GRID2IP: variants seen among roughly 807,000 people sequenced by gnomAD.
GRID2IP encodes the protein Grid2 interacting protein.
GRID2IP carries 78 observed loss-of-function variants against 114.3 expected under a neutral mutation model. The ratio of observed to expected loss-of-function variants is 0.68; its 90% CI spans 0.57 to 0.82. GRID2IP has a LOEUF of 0.82. Ranked by LOEUF, GRID2IP falls within the 40% of genes least tolerant of loss-of-function variation. GRID2IP has a pLI of 0.00. For missense variants in GRID2IP, 1,727 were observed against 1,678.5 expected (o/e 1.03, Z -0.51); for synonymous variants, 809 against 724.0 (o/e 1.12, Z -1.89).
Position 6,496,839 on chromosome 7 carries a change from C to T in GRID2IP, c.*935G>A, listed in dbSNP as rs1026760245. 2.6e-5 allele frequency among the ~76,000 whole-genome samples: 4 copies of T among 152,000 alleles called. No individual in the cohort carries two copies. Among genetic ancestry groups the T allele is most frequent in the African/African-American group, 7.2e-5 (3 of 41,390 alleles). On this transcript the variant is annotated 3_prime_UTR_variant, in exon 22 of 22. Transcript: ENST00000457091. Reference sequence around the variant, plus strand: ...AAAAAGGTGAAACAGTTCACACACCCTCCCTCCCTGCCCACCACGCCACCT... The same window carrying T: ...AAAAAGGTGAAACAGTTCACACACCTTCCCTCCCTGCCCACCACGCCACCT...
In GRID2IP at chr7:6,516,631, C is replaced by T. The variant is rs934281455; in HGVS notation, c.1269-2102G>A. Among the ~76,000 whole-genome samples the T allele has an allele frequency of 2.6e-5, 4 of 152,134 alleles. No individual in the cohort carries two copies. Among genetic ancestry groups the T allele is most frequent in the South Asian group, 4.2e-4 (2 of 4,810 alleles). ...AGACTCTGCTCCACCACTGCTTGCC[C>T]GCCCGCAGCCACCCAGAGGCCTAAC... is the stretch of plus-strand genomic sequence containing the variant. On this transcript the variant is annotated intron_variant, in intron 7 of 21. Coordinates refer to ENST00000457091, the MANE Select transcript of GRID2IP (RefSeq NM_001145118.2). This position sits in a 1 kb window ranked among gnomAD's most constrained non-coding sequence, Gnocchi z 4.3.
At position 6,551,362 on chromosome 7, in the gene GRID2IP, G is replaced by A; in HGVS notation, c.75C>T (p.Gly25=). 6.5e-7 allele frequency: 1 copy of A among 1,548,804 alleles called. No individual in the cohort carries two copies. The highest frequency in any genetic ancestry group is 8.7e-7 in the Non-Finnish European group (1 of 1,146,412). The change falls in exon 1 of 22, where the codon GGC becomes GGT. Residue 25 remains glycine (G), a synonymous_variant. Coordinates refer to ENST00000457091, the MANE Select transcript of GRID2IP (RefSeq NM_001145118.2). The part of the protein sequence containing the change: ...EDFGFRLGGS[G]PCFVLEVAKG... ...TGGCCACCTCCAGGACGAAGCAGGGGCCAGAGCCACCTAGCCGGAAGCCAA... is the reference window on the plus strand; with the variant it reads ...TGGCCACCTCCAGGACGAAGCAGGGACCAGAGCCACCTAGCCGGAAGCCAA...
intron 1 of GRID2IP, among the ~76,000 whole-genome samples, chr7:6,544,219 G>T (rs2115100696): frequency 6.6e-6 from 1 of 152,188 alleles, no homozygotes; most frequent in East Asian, 1.9e-4. Context: ...TGTTTCCCCT[G>T]TCCTGCACAT....
Position 6,509,919 on chromosome 7 carries a change from C to T in GRID2IP, c.1771+364G>A, listed in dbSNP as rs1185638926. Among the ~76,000 whole-genome samples the T allele has an allele frequency of 6.6e-6, 1 of 152,190 alleles. No homozygotes were observed. Among genetic ancestry groups the T allele is most frequent in the East Asian group, 1.9e-4 (1 of 5,204 alleles). The stretch of plus-strand genomic sequence containing the variant: ...AAATAGCTCACTGCAGCCTTGAACT[C>T]CTGGGCTCAAGTGATCCTCCCGCCT... On this transcript the variant is annotated intron_variant, in intron 11 of 21. Transcript: ENST00000457091. The surrounding 1 kb of genome is among the most constrained non-coding windows in gnomAD (Gnocchi z 4.9).
intron 1 of GRID2IP, among the ~76,000 whole-genome samples, chr7:6,549,260 G>C (rs771013984): frequency 1.3e-5 from 2 of 152,296 alleles, no homozygotes; most frequent in Non-Finnish European, 2.9e-5. Context: ...GCCTGAGACC[G>C]ACTCTATCCT....
intron 4 of GRID2IP, among the ~76,000 whole-genome samples, chr7:6,525,748 G>A (rs1779497808): frequency 6.6e-6 from 1 of 152,224 alleles, no homozygotes; most frequent in African/African-American, 2.4e-5. Flanking sequence ...AGCAGGCAGA[G>A]GCCCTGAGGC....
chr7:6,522,703 T>C (rs963707169), intron 4 of GRID2IP, among the ~76,000 whole-genome samples: 1 of 151,432 alleles, frequency 6.6e-6, no homozygotes, highest in Non-Finnish European at 1.5e-5. Flanking sequence ...TGGAGTGCAG[T>C]GGTGTGATCT....
At chr7:6,522,069 G>T (rs1325706220) in intron 4 of GRID2IP, 112 bp from the exon 5 acceptor site, 2 of 843,402 alleles carry the variant, frequency 2.4e-6, no homozygotes, top group Admixed American at 2.2e-5. Flanking sequence ...CCCATAGCTT[G>T]CCGGGCATGG....
Position 6,527,908 on chromosome 7 carries a change from G to A in GRID2IP, c.585-1139C>T, listed in dbSNP as rs529179123. ...CGAGTAGCTGGGATTACAGATGCATGCCACCACGACGGCTAATTTTTGTAT... is the reference window on the plus strand; with the variant it reads ...CGAGTAGCTGGGATTACAGATGCATACCACCACGACGGCTAATTTTTGTAT... On this transcript the variant is annotated intron_variant, in intron 2 of 21. Coordinates refer to ENST00000457091, the MANE Select transcript of GRID2IP (RefSeq NM_001145118.2). 2.8e-3 allele frequency among the ~76,000 whole-genome samples: 425 copies of A among 152,058 alleles called. 2 individuals are homozygous for A. The highest frequency in any genetic ancestry group is 5.2e-3 in the Non-Finnish European group (356 of 67,964).
chr7:6,549,487 T>C (rs1779935218), intron 1 of GRID2IP, among the ~76,000 whole-genome samples: 1 of 152,208 alleles, frequency 6.6e-6, no homozygotes, highest in Non-Finnish European at 1.5e-5. Flanking sequence ...AGGAAATGCC[T>C]TTGGCAGATT....
chr7:6,522,261 T>C (rs553462351), intron 4 of GRID2IP, among the ~76,000 whole-genome samples: 227 of 152,202 alleles, frequency 1.5e-3, no homozygotes, highest in Non-Finnish European at 2.3e-3. Context: ...ACCCCTGTAA[T>C]AGACTCTGCA....
chr7:6,526,349 G>T lies in GRID2IP; in HGVS notation c.834-40C>A, dbSNP rs989289554. On this transcript the variant is annotated intron_variant, in intron 3 of 21. Transcript: ENST00000457091. The surrounding 1 kb of genome is among the most constrained non-coding windows in gnomAD (Gnocchi z 7.6). Reference sequence around the variant, plus strand: ...AGGGGCGAGCAGCATGATGGAGAGGGGGCCCTGGGGCGCAGAGGTTGGAGA... The same window carrying T: ...AGGGGCGAGCAGCATGATGGAGAGGTGGCCCTGGGGCGCAGAGGTTGGAGA... 2.0e-6 allele frequency: 3 copies of T among 1,533,982 alleles called. No homozygotes were observed. In the Admixed American group the frequency reaches 5.9e-5, roughly 30 times the overall value.
At chr7:6,542,042 C>G (rs182789062) in intron 1 of GRID2IP, among the ~76,000 whole-genome samples, 102 of 152,238 alleles carry the variant, frequency 6.7e-4, no homozygotes, top group African/African-American at 2.4e-3. Flanking sequence ...TGGCTCACAC[C>G]TGTAATCCCA....
intron 2 of GRID2IP, among the ~76,000 whole-genome samples, chr7:6,537,123 C>T (rs1029988327): frequency 6.6e-6 from 1 of 152,052 alleles, no homozygotes; most frequent in Non-Finnish European, 1.5e-5. Flanking sequence ...GAACAGCAGT[C>T]CAGCCCAGAG....
chr7:6,508,902 G>T lies in GRID2IP; in HGVS notation c.2127+56C>A. On this transcript the variant is annotated intron_variant, in intron 12 of 21. Transcript: ENST00000457091. The surrounding 1 kb of genome is among the most constrained non-coding windows in gnomAD (Gnocchi z 5.6). ...GGGAGCCCAGGAACACTGTTGCCTTGCAGACCGCCACACCTCGCCTCACCC... is the reference window on the plus strand; with the variant it reads ...GGGAGCCCAGGAACACTGTTGCCTTTCAGACCGCCACACCTCGCCTCACCC... The T allele has an allele frequency of 6.6e-7, 1 of 1,509,034 alleles. No homozygotes were observed. The allele number at this position is 1,509,034 out of a possible 1,614,324, so 93.5% of individuals were successfully genotyped here.
chr7:6,536,257 C>CTG lies in GRID2IP; in HGVS notation c.584+3460_584+3461insCA, dbSNP rs1779720600. Among the ~76,000 whole-genome samples, 1 of 152,222 alleles carries CTG rather than the reference C, an allele frequency of 6.6e-6. No homozygotes were observed. The highest frequency in any genetic ancestry group is 1.5e-5 in the Non-Finnish European group (1 of 68,028). Reference sequence around the variant, plus strand: ...CTCCTTGCGGAGCCCAGCTGGGCGCCGCCCCTTCCTCCAGCAGCCTCCCCA... The same window carrying CTG: ...CTCCTTGCGGAGCCCAGCTGGGCGCCTGGCCCCTTCCTCCAGCAGCCTCCCCA... On this transcript the variant is annotated intron_variant, in intron 2 of 21. Coordinates refer to ENST00000457091, the MANE Select transcript of GRID2IP (RefSeq NM_001145118.2). This position sits in a 1 kb window ranked among gnomAD's most constrained non-coding sequence, Gnocchi z 5.3.
intron 2 of GRID2IP, among the ~76,000 whole-genome samples, chr7:6,531,449 C>T (rs530592687): frequency 1.3e-5 from 2 of 152,368 alleles, no homozygotes; most frequent in Non-Finnish European, 2.9e-5. Flanking sequence ...GACCCCCACA[C>T]AGTGGCGAGT....
At chr7:6,524,653 G>A (rs1287379278) in intron 4 of GRID2IP, among the ~76,000 whole-genome samples, 1 of 151,948 alleles carries the variant, frequency 6.6e-6, no homozygotes, top group Non-Finnish European at 1.5e-5. Context: ...CCAGGAGTTG[G>A]AGGCTACAGT....
rs1375373753 is a variant in GRID2IP at position 6,521,611 on chromosome 7, G to A, written c.990-88C>T. The A allele has an allele frequency of 1.8e-5, 17 of 929,010 alleles. No homozygotes were observed. Among genetic ancestry groups the A allele is most frequent in the East Asian group, 2.7e-5 (1 of 37,530 alleles). The allele number at this position is 929,010 out of a possible 1,614,324, so 57.5% of individuals were successfully genotyped here. A position where few individuals can be genotyped will look rare whatever the true frequency, so the allele number is the denominator to read the frequency against. On this transcript the variant is annotated intron_variant, in intron 5 of 21. Transcript: ENST00000457091. The surrounding 1 kb of genome is among the most constrained non-coding windows in gnomAD (Gnocchi z 4.1). ...CAGACCTCCCTGTCCTGCCCACAGA[G>A]GTCACACAGCAAGACCACCTCTGTG...
Sources: allele counts gnomAD v4.1 joint callset (sites outside exome capture counted in the v4.1 genomes callset), GRCh38; gene constraint gnomAD v4.1.1; non-coding constraint Gnocchi (gnomAD v3.1); transcripts MANE v1.5; gene names NCBI Gene and HGNC (gene_info 2026-07-23, HGNC 2026-07-21).